The following MAP2 variants were observed in gnomAD, a reference collection of about 807,000 sequenced individuals.
The protein encoded by MAP2 is microtubule associated protein 2.
MAP2 carries 14 observed loss-of-function variants against 137.6 expected under a neutral mutation model. The observed-to-expected ratio is 0.10, with a 90% CI of 0.07 to 0.16. The LOEUF (loss-of-function observed/expected upper bound fraction) is 0.16, where lower values mean the gene tolerates loss of function less well. Among genes scored for constraint, MAP2 ranks in the 10% least tolerant of loss-of-function variants. The pLI is 1.00. For missense variants in MAP2, 2,088 were observed against 2,191.5 expected, an observed-to-expected ratio of 0.95 and a Z score of 0.94; for synonymous variants, 786 against 782.3, an observed-to-expected ratio of 1.00 and a Z score of -0.08.
chr2:209,634,939 A>C (rs2093424273), intron 4 of MAP2, among the ~76,000 whole-genome samples: 1 of 152,250 alleles, frequency 6.6e-6, no homozygotes, highest in African/African-American at 2.4e-5. Context: ...AAAAATAAAA[A>C]TAAAAATTAG....
chr2:209,633,501 T>TA (rs1455696560), intron 4 of MAP2, among the ~76,000 whole-genome samples: 2 of 152,178 alleles, frequency 1.3e-5, no homozygotes, highest in Non-Finnish European at 2.9e-5. Flanking sequence ...TAATAGTTGT[T>TA]ACTAAGTTAT....
intron 4 of MAP2, among the ~76,000 whole-genome samples, chr2:209,639,760 G>GTT (rs111486094): frequency 6.8e-5 from 10 of 146,126 alleles, no homozygotes; most frequent in African/African-American, 2.3e-4. Flanking sequence ...CTTACATGAG[G>GTT]TTTTTTTTTT....
At chr2:209,594,543 G>T (rs540783476) in intron 3 of MAP2, among the ~76,000 whole-genome samples, 1 of 151,988 alleles carries the variant, frequency 6.6e-6, no homozygotes. Context: ...GTCTCAGCCC[G>T]TCTGCATTTG....
intron 1 of MAP2, among the ~76,000 whole-genome samples, chr2:209,471,206 C>T (rs1429043821): frequency 1.3e-5 from 2 of 152,150 alleles, no homozygotes; most frequent in African/African-American, 2.4e-5. Flanking sequence ...CATTCTCACC[C>T]ACTCTCCCTC....
At chr2:209,484,583 G>C (rs1037967026) in intron 1 of MAP2, among the ~76,000 whole-genome samples, 3 of 152,094 alleles carry the variant, frequency 2.0e-5, no homozygotes, top group Non-Finnish European at 4.4e-5. Context: ...CCAGCTACTC[G>C]GGAGGCTGAG....
chr2:209,683,661 A>G (rs2055767055), intron 7 of MAP2, among the ~76,000 whole-genome samples: 1 of 152,202 alleles, frequency 6.6e-6, no homozygotes, highest in Non-Finnish European at 1.5e-5. Flanking sequence ...CCATCAATAT[A>G]TTGCTTATAG....
intron 2 of MAP2, among the ~76,000 whole-genome samples, chr2:209,547,770 T>C (rs1184993033): frequency 1.3e-5 from 2 of 152,196 alleles, no homozygotes; most frequent in African/African-American, 4.8e-5. Flanking sequence ...TTAGCACAGC[T>C]AAGTTAAAAT....
At chr2:209,485,041 A>G (rs1207405320) in intron 1 of MAP2, among the ~76,000 whole-genome samples, 5 of 152,260 alleles carry the variant, frequency 3.3e-5, no homozygotes, top group Admixed American at 3.3e-4. Context: ...TGCTCATTAC[A>G]GACAGGGAGA....
At chr2:209,674,947 C>T (rs1035576123) in intron 5 of MAP2, among the ~76,000 whole-genome samples, 3 of 151,794 alleles carry the variant, frequency 2.0e-5, no homozygotes, top group African/African-American at 7.3e-5. Flanking sequence ...CTTAAGAATG[C>T]TTCTGTCTCT....
chr2:209,614,692 A>C (rs529732348), intron 3 of MAP2, among the ~76,000 whole-genome samples: 81 of 152,334 alleles, frequency 5.3e-4, no homozygotes, highest in African/African-American at 1.9e-3. Context: ...TAGTAATAAA[A>C]TGTTGGCTGC....
chr2:209,553,877 C>T (rs2069832762), intron 2 of MAP2, among the ~76,000 whole-genome samples: 4 of 152,080 alleles, frequency 2.6e-5, no homozygotes, highest in Admixed American at 2.6e-4. Context: ...ATGTAAAATG[C>T]CCTAATTTGT....
chr2:209,673,420 A>G (rs1325199852), intron 5 of MAP2, among the ~76,000 whole-genome samples: 2 of 151,856 alleles, frequency 1.3e-5, no homozygotes, highest in African/African-American at 4.8e-5. Context: ...TCTTACTGCA[A>G]TGCAAAAACT....
rs893618015 is a variant in MAP2, at chr2:209,428,350, C to T, written c.-222+4074C>T. ...GGAAAGTTTTAGACAGTTTGTTTTC[C>T]GTTAAAACACACACTAGAGGGGGCA... is the stretch of plus-strand genomic sequence containing the variant. On this transcript the variant is annotated intron_variant, in intron 1 of 15. Coordinates refer to ENST00000682079, the MANE Select transcript of MAP2 (RefSeq NM_001375505.1). Among the ~76,000 whole-genome samples the T allele has an allele frequency of 5.4e-5, 8 of 148,860 alleles. No individual in the cohort carries two copies. The South Asian group carries it at 8.5e-4, about 16-fold the overall frequency.
chr2:209,663,141 C>G (rs910154932), intron 5 of MAP2, among the ~76,000 whole-genome samples: 1 of 152,076 alleles, frequency 6.6e-6, no homozygotes, highest in Admixed American at 6.6e-5. Flanking sequence ...CTTTTTTCCC[C>G]TCTAAGCTAT....
chr2:209,576,412 T>C (rs1304937769), intron 2 of MAP2, among the ~76,000 whole-genome samples: 1 of 151,530 alleles, frequency 6.6e-6, no homozygotes, highest in Non-Finnish European at 1.5e-5. Flanking sequence ...CCCAGCTAAT[T>C]TTTGTATTTT....
In MAP2 at chr2:209,485,156, C is replaced by T. The variant is rs570126974; in HGVS notation, c.-221-22436C>T. Among the ~76,000 whole-genome samples the T allele has an allele frequency of 3.9e-5, 6 of 152,340 alleles. No homozygotes were observed. The South Asian group carries it at 1.0e-3, about 26-fold the overall frequency. On this transcript the variant is annotated intron_variant, in intron 1 of 15. Coordinates refer to ENST00000682079, the MANE Select transcript of MAP2 (RefSeq NM_001375505.1). Reference sequence around the variant, plus strand: ...CTCCTAGAGGTGACGGGCTGACCTTCTGTACAGACTGATTCTGACTGTCTT... The same window carrying T: ...CTCCTAGAGGTGACGGGCTGACCTTTTGTACAGACTGATTCTGACTGTCTT...
chr2:209,431,825 A>G (rs567293968), intron 1 of MAP2, among the ~76,000 whole-genome samples: 44 of 152,170 alleles, frequency 2.9e-4, no homozygotes, highest in Non-Finnish European at 2.9e-4. Flanking sequence ...TCACATGGAT[A>G]TAAAAGAGGG....
intron 2 of MAP2, among the ~76,000 whole-genome samples, chr2:209,518,249 G>A (rs528056672): frequency 6.6e-6 from 1 of 151,930 alleles, no homozygotes; most frequent in East Asian, 1.9e-4. Context: ...TCAAGAGAGG[G>A]GAAAACTAAT....
At chr2:209,505,490 G>A (rs913012427) in intron 1 of MAP2, among the ~76,000 whole-genome samples, 2 of 152,024 alleles carry the variant, frequency 1.3e-5, no homozygotes, top group African/African-American at 4.8e-5. Flanking sequence ...CTTACTTCAT[G>A]TTGATTTTCA....
Sources: gnomAD v4.1 joint callset for allele counts (sites outside exome capture counted in the v4.1 genomes callset) on GRCh38, gnomAD v4.1.1 for gene constraint, MANE v1.5 for transcripts, NCBI Gene and HGNC (gene_info 2026-07-23, HGNC 2026-07-21) for gene names.